The following CA11 variants were observed in gnomAD, a reference collection of about 807,000 sequenced individuals.
The protein encoded by CA11 is carbonic anhydrase 11 (inactive), also known as carbonic anhydrase-related protein 11.
In CA11, 20 loss-of-function variants were observed where a neutral mutation model predicts 39.3. That is an observed-to-expected ratio of 0.51 (90% CI 0.36 to 0.74). The LOEUF (loss-of-function observed/expected upper bound fraction) is 0.74. CA11 is among the 30% of genes least tolerant of loss of function. CA11 has a pLI of 0.00. For missense variants in CA11, 336 were observed against 424.6 expected (o/e 0.79, Z 1.83); for synonymous variants, 166 against 172.5 (o/e 0.96, Z 0.29).
At chr19:48,644,786 G>A (rs1306360496) in intron 2 of CA11, among the ~76,000 whole-genome samples, 1 of 152,084 alleles carries the variant, frequency 6.6e-6, no homozygotes, top group East Asian at 1.9e-4. Flanking sequence ...AGCAGAGACG[G>A]GTTTCACCAA....
chr19:48,644,401 A>T (rs750244416), intron 3 of CA11, 26 bp downstream of exon 3: 1 of 1,544,884 alleles, frequency 6.5e-7, no homozygotes, highest in African/African-American at 1.4e-5. Flanking sequence ...AGTGGGTTCA[A>T]TAGCTCCTCC....
At chr19:48,640,312 G>A (rs376649511) in intron 3 of CA11, 32 bp from the exon 4 acceptor site, 3 of 1,573,368 alleles carry the variant, frequency 1.9e-6, no homozygotes, top group African/African-American at 1.4e-5. Flanking sequence ...TCAGGGGGCA[G>A]GGAGAGATCT....
chr19:48,638,751 GAA>G, intron 8 of CA11, 135 bp downstream of exon 8: 1 of 983,908 alleles, frequency 1.0e-6, no homozygotes, highest in Non-Finnish European at 1.5e-6. Flanking sequence ...GGGAAAGAGA[GAA>G]AAAGAGACAG....
chr19:48,643,602 C>A lies in CA11; in HGVS notation c.285+825G>T, dbSNP rs1014192285. On this transcript the variant is annotated intron_variant, in intron 3 of 8. Transcript: ENST00000084798. The surrounding 1 kb of genome is among the most constrained non-coding windows in gnomAD (Gnocchi z 4.3). ...CTATGACTGGGCCACTGCACTCCAG[C>A]CTGGGTCACAGAGTGAGATCCCAAT... Among the ~76,000 whole-genome samples the A allele has an allele frequency of 6.6e-6, 1 of 151,524 alleles. No homozygotes were observed. Among genetic ancestry groups the A allele is most frequent in the Non-Finnish European group, 1.5e-5 (1 of 67,966 alleles).
At position 48,638,972 on chromosome 19, in the gene CA11, G is replaced by A; in HGVS notation, c.877C>T (p.Pro293Ser). 1.2e-6 allele frequency: 2 copies of A among 1,613,786 alleles called. No individual in the cohort carries two copies. The highest frequency in any genetic ancestry group is 1.3e-5 in the African/African-American group (1 of 75,030). The change falls in exon 8 of 9, where the codon CCC becomes TCC. Residue 293 changes from proline (P) to serine (S), a missense_variant. By Grantham distance (74) the Pro-to-Ser change is moderately conservative. Coordinates refer to ENST00000084798, the MANE Select transcript of CA11 (RefSeq NM_001217.5). ...CCCCTCAGTGCCCTGTGGGCCAAGG[G>A]CTGCAGGGGCCGGCTGTTACCGCTG... Reference protein sequence around the residue: ...SLSGNSRPLQPLAHRALRGNR... With the variant: ...SLSGNSRPLQSLAHRALRGNR...
intron 3 of CA11, among the ~76,000 whole-genome samples, chr19:48,640,559 A>G (rs1454177040): frequency 1.3e-5 from 2 of 150,612 alleles, no homozygotes; most frequent in Non-Finnish European, 3.0e-5. Flanking sequence ...TTTTTAGTAG[A>G]GACAGGGTTT....
rs1421458688 is a variant in CA11 at position 48,645,805 on chromosome 19, C to G, written c.-173G>C. On this transcript the variant is annotated 5_prime_UTR_variant, in exon 1 of 9. Transcript: ENST00000084798. ...CAGCCAGGGACTGAGATCCGCCCTT[C>G]AAACCCACTCTTCTTCTCTCTCCCG... 3.6e-6 allele frequency: 2 copies of G among 554,596 alleles called. No homozygotes were observed. The highest frequency in any genetic ancestry group is 6.3e-6 in the Non-Finnish European group (2 of 317,034). 34.4% of individuals were successfully genotyped at this position (554,596 alleles called of 1,614,324 possible).
At position 48,638,139 on chromosome 19, in the gene CA11, C is replaced by T; in HGVS notation, c.967G>A (p.Gly323Ser). The change falls in exon 9 of 9, where the codon GGT becomes AGT. Residue 323 changes from glycine (G) to serine (S), a missense_variant. Physicochemically the swap from Gly to Ser is moderately conservative, Grantham distance 56. Coordinates refer to ENST00000084798, the MANE Select transcript of CA11 (RefSeq NM_001217.5). ...RGPNYRLHVD[G>S]VPHGR is the part of the protein sequence containing the mutation. ...GAGTCTCAGCGACCATGGGGGACAC[C>T]ATCCACTGTAAGACAGAGAACAACG... is the stretch of plus-strand genomic sequence containing the variant. 1 of 1,256,162 alleles carries T rather than the reference C, an allele frequency of 8.0e-7. No individual in the cohort carries two copies. Among genetic ancestry groups the T allele is most frequent in the Non-Finnish European group, 1.0e-6 (1 of 971,566 alleles). 77.8% of individuals were successfully genotyped at this position (1,256,162 alleles called of 1,614,324 possible).
intron 2 of CA11, among the ~76,000 whole-genome samples, chr19:48,645,136 G>C (rs1487588194): frequency 2.0e-5 from 3 of 152,174 alleles, no homozygotes; most frequent in Admixed American, 6.5e-5. Context: ...GCAGGAGCCA[G>C]GACCTTCCTC....
intron 6 of CA11, 37 bp from the exon 7 acceptor site, chr19:48,639,496 A>G (rs758028258): frequency 1.2e-6 from 2 of 1,613,688 alleles, no homozygotes; most frequent in Admixed American, 3.3e-5. Flanking sequence ...GAGGGATGGC[A>G]CTCTTGAACC....
intron 3 of CA11, 45 bp from the exon 4 acceptor site, chr19:48,640,325 T>TAAAAG: frequency 8.9e-6 from 13 of 1,465,224 alleles, no homozygotes; most frequent in Middle Eastern, 2.2e-4. Context: ...AGAGATCTTT[T>TAAAAG]ATCTCTCGTT....
rs1399308652 is a variant in CA11, at chr19:48,639,319, T to C, written c.781A>G (p.Ile261Val). ...TWILIDRALN[I>V]TSLQMHSLRL... ...CAGAGGGTCACCTGAAGGGAGGTGA[T>C]ATTGAGGGCCCGGTCAATGAGGATC... is the stretch of plus-strand genomic sequence containing the variant. Residue 261 changes from isoleucine (I) to valine (V), a missense_variant, in exon 7 of 9, where the codon ATC (isoleucine) becomes GTC (valine). Ile to Val is a conservative substitution (Grantham distance 29, BLOSUM62 3). Transcript: ENST00000084798. 6.2e-7 allele frequency: 1 copy of C among 1,612,964 alleles called. No homozygotes were observed. The highest frequency in any genetic ancestry group is 1.3e-5 in the African/African-American group (1 of 74,610).
Position 48,645,926 on chromosome 19 carries a change from G to GC in CA11, c.-295dup. The GC allele has an allele frequency of 2.2e-6, 1 of 465,116 alleles. No homozygotes were observed. The allele number at this position is 465,116 out of a possible 1,614,324, so 28.8% of individuals were successfully genotyped here. On this transcript the variant is annotated 5_prime_UTR_variant, in exon 1 of 9. Coordinates refer to ENST00000084798, the MANE Select transcript of CA11 (RefSeq NM_001217.5). The stretch of plus-strand genomic sequence containing the variant: ...TTCCTACTCCTCTCAGCCTTCTGCT[G>GC]CCCCCAGGGCTACCTCTTGGTTCCT...
chr19:48,641,513 A>G (rs1190507017), intron 3 of CA11, among the ~76,000 whole-genome samples: 1 of 152,222 alleles, frequency 6.6e-6, no homozygotes, highest in African/African-American at 2.4e-5. Flanking sequence ...TGTGAATCAC[A>G]TAAGTAACTG....
chr19:48,640,644 G>C (rs1377518729), intron 3 of CA11, among the ~76,000 whole-genome samples: 1 of 151,292 alleles, frequency 6.6e-6, no homozygotes, highest in East Asian at 2.0e-4. Flanking sequence ...AAAGTGCTGG[G>C]ATTACAGGCG....
chr19:48,639,447 AAGTAG>A lies in CA11; in HGVS notation c.648_652del (p.Tyr217SerfsTer12). On this transcript the variant is annotated frameshift_variant, in exon 7 of 9. Transcript: ENST00000084798. LOFTEE classifies it high-confidence loss of function. The stretch of plus-strand genomic sequence containing the variant: ...GAGCTCCAGGCTCAGGTCTTGAAGA[AAGTAG>A]GCATCATCTGCGGGAATATCAGGCC... 1.2e-6 allele frequency: 2 copies of A among 1,613,920 alleles called. No homozygotes were observed. Among genetic ancestry groups the A allele is most frequent in the Non-Finnish European group, 1.7e-6 (2 of 1,179,938 alleles).
At chr19:48,639,162 C>T in intron 7 of CA11, 109 bp from the exon 8 acceptor site, 1 of 1,523,276 alleles carries the variant, frequency 6.6e-7, no homozygotes, top group Non-Finnish European at 9.0e-7. Flanking sequence ...TGTTCTCAGC[C>T]CCACCCACCC....
chr19:48,641,848 T>A (rs529889898), intron 3 of CA11, among the ~76,000 whole-genome samples: 67 of 132,954 alleles, frequency 5.0e-4, no homozygotes, highest in Admixed American at 9.3e-4. Flanking sequence ...TTTTTTTTGG[T>A]AGAGAGGGTT....
intron 8 of CA11, chr19:48,638,361 T>C (rs910894096): frequency 9.9e-6 from 3 of 301,944 alleles, no homozygotes; most frequent in Non-Finnish European, 1.2e-5. Flanking sequence ...GCTGAACTAC[T>C]TGAAGGTCTT....
Sources: allele counts gnomAD v4.1 joint callset (sites outside exome capture counted in the v4.1 genomes callset), GRCh38; gene constraint gnomAD v4.1.1; non-coding constraint Gnocchi (gnomAD v3.1); transcripts MANE v1.5; gene names NCBI Gene and HGNC (gene_info 2026-07-23, HGNC 2026-07-21).